Variants in TSPEAR observed in about 807,000 individuals in gnomAD.
The protein encoded by TSPEAR is thrombospondin-type laminin G domain and EAR repeat-containing protein.
A neutral mutation model predicts 71.6 loss-of-function variants in TSPEAR; 69 were observed. The observed-to-expected ratio is 0.96, with a 90% CI of 0.79 to 1.18. TSPEAR has a LOEUF of 1.18. TSPEAR is among the 50% of genes most tolerant of loss of function. The probability of loss-of-function intolerance (pLI) is 0.00; values close to 1 mark genes in which losing one functional copy is unlikely to be tolerated. For synonymous variants in TSPEAR, 402 were observed against 387.2 expected (o/e 1.04, Z -0.45); for missense variants, 971 against 894.9 (o/e 1.09, Z -1.09).
At chr21:44,539,832 G>C in intron 2 of TSPEAR, 2 of 1,578,072 alleles carry the variant, frequency 1.3e-6, no homozygotes, top group Non-Finnish European at 1.7e-6. Flanking sequence ...CAGCACACAG[G>C]CTTGCAGCAG....
chr21:44,525,917 A>G, intron 7 of TSPEAR, 78 bp from the exon 8 acceptor site: 1 of 1,403,972 alleles, frequency 7.1e-7, no homozygotes, highest in Non-Finnish European at 1.0e-6. Context: ...GCTTCTGAAC[A>G]TCAGCATCTC....
chr21:44,527,327 C>T lies in TSPEAR; in HGVS notation c.1114G>A (p.Ala372Thr), dbSNP rs2052877242. The change falls in exon 7 of 12, where the codon GCA becomes ACA. Residue 372 changes from alanine to threonine, a missense_variant. Transcript: ENST00000323084. ...ATGGTGAAATGCCTCCAGGCCTGTG[C>T]TTGGTGCGTGGGGATGTTCTGATAT... ...VSYQNIPTHQ[A>T]QAWRHFTIGK... is the part of the protein sequence containing the mutation. The T allele has an allele frequency of 6.2e-7, 1 of 1,614,186 alleles. No individual in the cohort carries two copies. Among genetic ancestry groups the T allele is most frequent in the Non-Finnish European group, 8.5e-7 (1 of 1,180,050 alleles).
intron 7 of TSPEAR, 68 bp downstream of exon 7, chr21:44,527,224 G>GC (rs1318311080): frequency 1.9e-5 from 30 of 1,544,320 alleles, no homozygotes; most frequent in Non-Finnish European, 2.6e-5. Context: ...AGTGTAGGGG[G>GC]CCCCGCCTGT....
At chr21:44,659,947 G>C (rs1360508257) in intron 1 of TSPEAR, among the ~76,000 whole-genome samples, 1 of 152,220 alleles carries the variant, frequency 6.6e-6, no homozygotes, top group African/African-American at 2.4e-5. Flanking sequence ...CTATAAGAAA[G>C]GTCAAGTGGA....
Position 44,612,553 on chromosome 21 carries a change from C to T in TSPEAR, c.83-44548G>A, listed in dbSNP as rs782442473. ...CCCCATGCTGCCAGCAGTCTAGCTG[C>T]CAGTCAGCTTGCTGCACCTTCTCCC... is the stretch of plus-strand genomic sequence containing the variant. On this transcript the variant is annotated intron_variant, in intron 1 of 11. Transcript: ENST00000323084. This position sits in a 1 kb window ranked among gnomAD's most constrained non-coding sequence, Gnocchi z 4.1. 1.4e-5 allele frequency: 22 copies of T among 1,613,960 alleles called. No homozygotes were observed. The highest frequency in any genetic ancestry group is 2.2e-5 in the South Asian group (2 of 91,072).
chr21:44,508,686 C>G, intron 10 of TSPEAR: 4 of 1,214,640 alleles, frequency 3.3e-6, no homozygotes, highest in Non-Finnish European at 4.2e-6. Flanking sequence ...ACATACAGAC[C>G]CACCCTCCAT....
At chr21:44,621,660 A>G (rs1478067909) in intron 1 of TSPEAR, among the ~76,000 whole-genome samples, 1 of 152,252 alleles carries the variant, frequency 6.6e-6, no homozygotes, top group Non-Finnish European at 1.5e-5. Flanking sequence ...TGGCAGCCTA[A>G]TAAAACAAGC....
intron 1 of TSPEAR, among the ~76,000 whole-genome samples, chr21:44,698,543 C>T (rs1345661120): frequency 2.6e-5 from 4 of 152,234 alleles, no homozygotes; most frequent in South Asian, 2.1e-4. Flanking sequence ...GAGGTGGCAG[C>T]GGGGTCACTC....
intron 1 of TSPEAR, chr21:44,677,848 G>T (rs1238890969): frequency 2.3e-6 from 3 of 1,317,764 alleles, no homozygotes; most frequent in East Asian, 2.3e-5. Context: ...TCTGAGTAAG[G>T]TATGGTTTTC....
rs1394546880 is a variant in TSPEAR, at chr21:44,710,937, G to A, written c.82+496C>T. Among the ~76,000 whole-genome samples, 1 of 152,212 alleles carries A rather than the reference G, an allele frequency of 6.6e-6. No homozygotes were observed. The highest frequency in any genetic ancestry group is 1.5e-5 in the Non-Finnish European group (1 of 68,040). On this transcript the variant is annotated intron_variant, in intron 1 of 11. Transcript: ENST00000323084. This position sits in a 1 kb window ranked among gnomAD's most constrained non-coding sequence, Gnocchi z 4.6. ...CTTCACTCCAGAGGTGGTTGTGTTT[G>A]GGGCTGTGTCTGTGTCTCCAGCTTT...
chr21:44,596,255 T>C (rs389936), intron 1 of TSPEAR, among the ~76,000 whole-genome samples: 17,602 of 152,256 alleles, frequency 0.12, 1,576 homozygotes, highest in African/African-American at 0.24. Flanking sequence ...TTTTCACAGC[T>C]AGCCAGGGAG....
chr21:44,574,902 G>T (rs1555923635), intron 1 of TSPEAR: 1 of 1,611,864 alleles, frequency 6.2e-7, no homozygotes, highest in East Asian at 2.2e-5. Context: ...TTCCTGCTGT[G>T]CTCCCACCTC....
intron 1 of TSPEAR, among the ~76,000 whole-genome samples, chr21:44,680,978 G>A (rs1367686668): frequency 3.3e-5 from 5 of 152,182 alleles, no homozygotes; most frequent in African/African-American, 1.2e-4. Flanking sequence ...ACAATGTATT[G>A]TATGTCTCAA....
chr21:44,537,966 G>A (rs2053118172), intron 2 of TSPEAR, among the ~76,000 whole-genome samples: 2 of 152,332 alleles, frequency 1.3e-5, no homozygotes, highest in South Asian at 4.1e-4. Context: ...GTCACGCGGG[G>A]TCCCCCAGCC....
At chr21:44,536,263 G>A (rs743492) in intron 2 of TSPEAR, among the ~76,000 whole-genome samples, 81,069 of 152,088 alleles carry the variant, frequency 0.53, 21,890 homozygotes, top group South Asian at 0.63. Context: ...GGCGTCCTCC[G>A]GCACAGACCT....
chr21:44,503,528 A>T (rs1267605300), intron 11 of TSPEAR, among the ~76,000 whole-genome samples: 1 of 102,368 alleles, frequency 9.8e-6, no homozygotes, highest in African/African-American at 4.0e-5. Flanking sequence ...CCTTGGGGGG[A>T]AGCCGGCCTT....
rs1241562148 is a variant in TSPEAR, at chr21:44,546,802, TTC to T, written c.304-12881_304-12880del. Among the ~76,000 whole-genome samples, 4 of 152,210 alleles carry T rather than the reference TTC, an allele frequency of 2.6e-5. No individual in the cohort carries two copies. Among genetic ancestry groups the T allele is most frequent in the Admixed American group, 6.5e-5 (1 of 15,284 alleles). On this transcript the variant is annotated intron_variant, in intron 2 of 11. Transcript: ENST00000323084. This position sits in a 1 kb window ranked among gnomAD's most constrained non-coding sequence, Gnocchi z 4.4. ...GTCTTCTGTCCAGCAGCTTTCTAGATTCTGTTTTGACTTTTGAGAATTTGATT... is the reference window on the plus strand; with the variant it reads ...GTCTTCTGTCCAGCAGCTTTCTAGATTGTTTTGACTTTTGAGAATTTGATT...
intron 1 of TSPEAR, among the ~76,000 whole-genome samples, chr21:44,698,290 CTTCT>C (rs1987481393): frequency 6.6e-6 from 1 of 152,206 alleles, no homozygotes; most frequent in African/African-American, 2.4e-5. Flanking sequence ...ACTTTGCTCT[CTTCT>C]TTGAGTCATT....
intron 9 of TSPEAR, chr21:44,518,877 G>A (rs117630952): frequency 0.011 from 3,992 of 354,822 alleles, 27 homozygotes; most frequent in Non-Finnish European, 0.018. Flanking sequence ...TTCATGTCAG[G>A]GCACCAGTAT....
Sources: allele counts gnomAD v4.1 joint callset (sites outside exome capture counted in the v4.1 genomes callset), GRCh38; gene constraint gnomAD v4.1.1; non-coding constraint Gnocchi (gnomAD v3.1); transcripts MANE v1.5; gene names NCBI Gene and HGNC (gene_info 2026-07-23, HGNC 2026-07-21).